Variants in TNR observed in about 807,000 individuals in gnomAD.
TNR encodes tenascin R, also known as tenascin-R.
A neutral mutation model predicts 150.4 loss-of-function variants in TNR; 45 were observed. That is an observed-to-expected ratio of 0.30 (90% CI 0.24 to 0.38). The LOEUF (loss-of-function observed/expected upper bound fraction) is 0.38, where lower values mean the gene tolerates loss of function less well. TNR is among the 10% of genes least tolerant of loss of function. TNR has a pLI of 1.00. For synonymous variants in TNR, 687 were observed against 678.4 expected, an observed-to-expected ratio of 1.01 and a Z score of -0.20; for missense variants, 1,544 against 1,759.1, an observed-to-expected ratio of 0.88 and a Z score of 2.19.
intron 2 of TNR, among the ~76,000 whole-genome samples, chr1:175,510,999 G>T (rs74470549): frequency 6.6e-6 from 1 of 152,228 alleles, no homozygotes; most frequent in Non-Finnish European, 1.5e-5. Context: ...CAACATGGAG[G>T]TGAATAGCTC....
chr1:175,366,885 G>A (rs1451902102), intron 10 of TNR, among the ~76,000 whole-genome samples: 3 of 152,162 alleles, frequency 2.0e-5, no homozygotes, highest in Non-Finnish European at 4.4e-5. Context: ...GCCTGCTGTC[G>A]GGGTGGTCTA....
At chr1:175,457,337 AGGCATTATAAAAGATATTGGT>A (rs1379921646) in intron 2 of TNR, among the ~76,000 whole-genome samples, 2 of 152,230 alleles carry the variant, frequency 1.3e-5, no homozygotes, top group African/African-American at 4.8e-5. Flanking sequence ...CAGCGCCCAT[AGGCATTATAAAAGATATTGGT>A]GGCATCCCAG....
chr1:175,609,527 C>T (rs745637481), intron 1 of TNR, among the ~76,000 whole-genome samples: 9 of 152,156 alleles, frequency 5.9e-5, no homozygotes, highest in Non-Finnish European at 1.0e-4. Flanking sequence ...GGTAGCTGGA[C>T]ATAGTAGTGG....
chr1:175,703,567 A>G (rs989190314), intron 1 of TNR, among the ~76,000 whole-genome samples: 19 of 152,224 alleles, frequency 1.2e-4, no homozygotes, highest in African/African-American at 4.6e-4. Context: ...GATGACTTTA[A>G]TTAAGATGTA....
chr1:175,347,462 C>T (rs903674507), intron 18 of TNR, among the ~76,000 whole-genome samples: 2 of 151,926 alleles, frequency 1.3e-5, no homozygotes, highest in African/African-American at 4.8e-5. Flanking sequence ...GGGTCTTGCT[C>T]TGTTGCTCAG....
intron 17 of TNR, 143 bp from the exon 18 acceptor site, chr1:175,354,666 G>T (rs1054651269): frequency 1.8e-6 from 2 of 1,113,248 alleles, no homozygotes; most frequent in African/African-American, 3.1e-5. Flanking sequence ...CCACAATAAG[G>T]ATTACTGCAC....
chr1:175,361,666 T>G (rs989839410), intron 14 of TNR, among the ~76,000 whole-genome samples: 13 of 152,220 alleles, frequency 8.5e-5, no homozygotes, highest in African/African-American at 3.1e-4. Flanking sequence ...GGAAATACCA[T>G]TCTCCAGTGA....
intron 2 of TNR, among the ~76,000 whole-genome samples, chr1:175,510,091 T>C (rs1247714830): frequency 6.6e-6 from 1 of 151,942 alleles, no homozygotes; most frequent in Admixed American, 6.5e-5. Flanking sequence ...TAGCTGTATG[T>C]GGTGGTGCAT....
chr1:175,357,078 A>C (rs764743709), intron 15 of TNR, among the ~76,000 whole-genome samples: 1 of 151,602 alleles, frequency 6.6e-6, no homozygotes, highest in East Asian at 1.9e-4. Context: ...CTTTGTAACC[A>C]CTCCCCCTAC....
At chr1:175,568,613 T>A (rs772855034) in intron 1 of TNR, among the ~76,000 whole-genome samples, 16 of 152,190 alleles carry the variant, frequency 1.1e-4, no homozygotes, top group Admixed American at 5.2e-4. Flanking sequence ...GAGCCTGTTA[T>A]CTCGTGTATC....
At chr1:175,470,875 G>T (rs1036710125) in intron 2 of TNR, among the ~76,000 whole-genome samples, 3 of 152,156 alleles carry the variant, frequency 2.0e-5, no homozygotes, top group African/African-American at 7.2e-5. Context: ...CTGAAATTTG[G>T]CACAGGGTTG....
Position 175,406,292 on chromosome 1 carries a change from G to A in TNR, c.423C>T (p.Ile141=), listed in dbSNP as rs1215247478. 2.5e-6 allele frequency: 4 copies of A among 1,614,012 alleles called. No homozygotes were observed. Among genetic ancestry groups the A allele is most frequent in the African/African-American group, 2.7e-5 (2 of 74,900 alleles). The change falls in exon 3 of 23, where the codon ATC becomes ATT. Residue 141 remains isoleucine (I), a synonymous_variant. Transcript: ENST00000367674. The part of the protein sequence containing the change: ...AQVLQELLSR[I]EMLEREVSVL... ...CCGACACCTCCCTCTCCAGCATCTC[G>A]ATCCGGCTCAGCAGCTCCTGCAGCA...
intron 1 of TNR, among the ~76,000 whole-genome samples, chr1:175,675,025 G>A (rs1239072362): frequency 1.3e-5 from 2 of 152,190 alleles, no homozygotes; most frequent in East Asian, 1.9e-4. Flanking sequence ...GGCTGGAGTT[G>A]CAAAATGACT....
At chr1:175,606,370 C>T (rs139318541) in intron 1 of TNR, among the ~76,000 whole-genome samples, 122 of 152,246 alleles carry the variant, frequency 8.0e-4, no homozygotes, top group African/African-American at 2.7e-3. Flanking sequence ...AAATAAAATG[C>T]AAAATATGAT....
chr1:175,383,534 A>G (rs950586400), intron 8 of TNR, among the ~76,000 whole-genome samples: 1 of 152,192 alleles, frequency 6.6e-6, no homozygotes, highest in African/African-American at 2.4e-5. Flanking sequence ...CTTCTCTCCA[A>G]TCACCGGCCA....
At chr1:175,497,102 G>A (rs540318557) in intron 2 of TNR, among the ~76,000 whole-genome samples, 2 of 152,356 alleles carry the variant, frequency 1.3e-5, no homozygotes, top group African/African-American at 4.8e-5. Flanking sequence ...TTGCATGGCT[G>A]TCTAGGCATT....
chr1:175,531,922 A>C (rs1660084814), intron 1 of TNR, among the ~76,000 whole-genome samples: 1 of 152,234 alleles, frequency 6.6e-6, no homozygotes, highest in Admixed American at 6.5e-5. Context: ...TGGACAGTCC[A>C]AAAAGTGCAG....
chr1:175,358,770 T>C (rs558971085), intron 15 of TNR, among the ~76,000 whole-genome samples: 3 of 152,358 alleles, frequency 2.0e-5, no homozygotes, highest in African/African-American at 7.2e-5. Context: ...ACAAGCATGA[T>C]ACAGAAGACA....
At chr1:175,428,766 A>AAT (rs1436401456) in intron 2 of TNR, among the ~76,000 whole-genome samples, 1 of 152,166 alleles carries the variant, frequency 6.6e-6, no homozygotes, top group East Asian at 1.9e-4. Context: ...GTGCTGCACG[A>AAT]TTCTCATTTT....
Sources: gnomAD v4.1 joint callset for allele counts (sites outside exome capture counted in the v4.1 genomes callset) on GRCh38, gnomAD v4.1.1 for gene constraint, MANE v1.5 for transcripts, NCBI Gene and HGNC (gene_info 2026-07-23, HGNC 2026-07-21) for gene names.